The following BCAR3 variants were observed in gnomAD, a reference collection of about 807,000 sequenced individuals.
BCAR3 encodes the protein BCAR3 adaptor protein, NSP family member.
In BCAR3, 37 loss-of-function variants were observed where a neutral mutation model predicts 80.1. The ratio of observed to expected loss-of-function variants is 0.46; its 90% confidence interval spans 0.36 to 0.61. BCAR3 has a LOEUF of 0.61. BCAR3 is among the 20% of genes least tolerant of loss of function. The pLI is 0.00. For missense variants in BCAR3, 978 were observed against 1,068.2 expected, an observed-to-expected ratio of 0.92 and a Z score of 1.18; for synonymous variants, 389 against 418.9, an observed-to-expected ratio of 0.93 and a Z score of 0.87.
chr1:93,758,482 A>T (rs1380476078), intron 2 of BCAR3, among the ~76,000 whole-genome samples: 1 of 152,228 alleles, frequency 6.6e-6, no homozygotes, highest in Non-Finnish European at 1.5e-5. Flanking sequence ...GTGCAGACAA[A>T]GAGTTGGTCT....
At chr1:93,692,093 G>C (rs977165468) in intron 3 of BCAR3, among the ~76,000 whole-genome samples, 7 of 152,252 alleles carry the variant, frequency 4.6e-5, no homozygotes, top group African/African-American at 1.4e-4. Context: ...TGGCCAGTTT[G>C]ATTTTTAAAT....
At chr1:93,631,241 T>C (rs1485542726) in intron 3 of BCAR3, among the ~76,000 whole-genome samples, 1 of 152,184 alleles carries the variant, frequency 6.6e-6, no homozygotes, top group Non-Finnish European at 1.5e-5. Context: ...ATCTTCTTCT[T>C]ATAAGGACAC....
intron 1 of BCAR3, among the ~76,000 whole-genome samples, chr1:93,680,091 A>G (rs745762417): frequency 6.6e-6 from 1 of 152,184 alleles, no homozygotes; most frequent in Non-Finnish European, 1.5e-5. Flanking sequence ...TGGGTTTAGG[A>G]ATTAAGAGTA....
chr1:93,655,639 A>T (rs1366821601), intron 2 of BCAR3, among the ~76,000 whole-genome samples: 4 of 152,224 alleles, frequency 2.6e-5, no homozygotes, highest in African/African-American at 9.6e-5. Context: ...GATCTGAATA[A>T]ATAAGAATTC....
chr1:93,595,868 A>C (rs190502179), intron 3 of BCAR3, among the ~76,000 whole-genome samples: 3 of 152,312 alleles, frequency 2.0e-5, no homozygotes, highest in Non-Finnish European at 4.4e-5. Flanking sequence ...CATTTGGCGG[A>C]ATTCTGTAGG....
chr1:93,604,755 T>C (rs550531391), intron 3 of BCAR3, among the ~76,000 whole-genome samples: 274 of 152,360 alleles, frequency 1.8e-3, no homozygotes, highest in African/African-American at 6.2e-3. Flanking sequence ...TATTTCTCAC[T>C]GATTTTGTTC....
intron 2 of BCAR3, among the ~76,000 whole-genome samples, chr1:93,826,080 G>A (rs1398949126): frequency 3.9e-5 from 6 of 152,218 alleles, no homozygotes; most frequent in Admixed American, 6.5e-5. Flanking sequence ...AAGGGAAAGA[G>A]GGGAGAGGGA....
chr1:93,758,807 A>G (rs1651832894), intron 2 of BCAR3, among the ~76,000 whole-genome samples: 1 of 151,978 alleles, frequency 6.6e-6, no homozygotes, highest in Admixed American at 6.6e-5. Context: ...TTATTTTTCT[A>G]TTGCATTTGG....
intron 2 of BCAR3, among the ~76,000 whole-genome samples, chr1:93,816,915 C>T (rs1654040765): frequency 6.6e-6 from 1 of 152,114 alleles, no homozygotes; most frequent in African/African-American, 2.4e-5. Flanking sequence ...TTGTATTTTG[C>T]TGAAGTCCTA....
intron 3 of BCAR3, among the ~76,000 whole-genome samples, chr1:93,599,927 C>T (rs1409665661): frequency 6.6e-6 from 1 of 152,192 alleles, no homozygotes; most frequent in Non-Finnish European, 1.5e-5. Context: ...CTGTTCTTTT[C>T]TCCTAGAACT....
intron 2 of BCAR3, among the ~76,000 whole-genome samples, chr1:93,657,902 T>TAA (rs1399368235): frequency 6.6e-6 from 1 of 151,670 alleles, no homozygotes; most frequent in Non-Finnish European, 1.5e-5. Context: ...GAAGCATCAC[T>TAA]AAAATCAATC....
chr1:93,662,793 T>G (rs551316126), intron 2 of BCAR3, among the ~76,000 whole-genome samples: 2 of 152,336 alleles, frequency 1.3e-5, no homozygotes, highest in East Asian at 3.9e-4. Context: ...ACTGCTTCCT[T>G]TATCAAGTAT....
At chr1:93,600,598 C>T (rs559594369) in intron 3 of BCAR3, 3 of 152,214 alleles carry the variant, frequency 2.0e-5, no homozygotes, top group Non-Finnish European at 4.4e-5. Context: ...CTTCATAAGT[C>T]AAGTAATGCC....
chr1:93,727,794 C>A (rs561784641), intron 2 of BCAR3, among the ~76,000 whole-genome samples: 7 of 152,316 alleles, frequency 4.6e-5, no homozygotes, highest in South Asian at 2.1e-4. Flanking sequence ...GTGGCCCCCC[C>A]AAAAGACACA....
intron 9 of BCAR3, among the ~76,000 whole-genome samples, chr1:93,568,719 AAGCAT>A (rs1673077155): frequency 6.6e-6 from 1 of 152,226 alleles, no homozygotes. Context: ...CTTGCCTCAA[AAGCAT>A]TCAGTATAAG....
In BCAR3 at chr1:93,674,176, C is replaced by T. The variant is rs140715060; in HGVS notation, c.317+438G>A. ...AGGTGGGAGTACAGACAAAACGGGA[C>T]TGGCCTTGAGCTGGTAACTGTTGGA... On this transcript the variant is annotated intron_variant, in intron 2 of 11. Coordinates refer to ENST00000260502, the MANE Select transcript of BCAR3 (RefSeq NM_003567.4). Among the ~76,000 whole-genome samples the T allele has an allele frequency of 2.5e-3, 380 of 152,268 alleles. 2 individuals carry two copies. The highest frequency in any genetic ancestry group is 8.5e-3 in the African/African-American group (354 of 41,544).
intron 3 of BCAR3, among the ~76,000 whole-genome samples, chr1:93,692,147 C>T (rs184753508): frequency 1.7e-4 from 26 of 152,248 alleles, no homozygotes; most frequent in Admixed American, 1.6e-3. Flanking sequence ...ATGAAGTGCT[C>T]GCCGCACAGC....
At chr1:93,846,766 C>T in intron 1 of BCAR3, 1 of 438,708 alleles carries the variant, frequency 2.3e-6, no homozygotes, top group South Asian at 1.6e-5. Context: ...CTCGGGGCAG[C>T]TGCGCGGCGT....
intron 2 of BCAR3, among the ~76,000 whole-genome samples, chr1:93,674,041 A>G (rs1002438877): frequency 2.0e-5 from 3 of 152,248 alleles, no homozygotes; most frequent in African/African-American, 7.2e-5. Flanking sequence ...GTGGTTATAC[A>G]GTTTTTAAAA....
Sources: allele counts gnomAD v4.1 joint callset (sites outside exome capture counted in the v4.1 genomes callset), GRCh38; gene constraint gnomAD v4.1.1; transcripts MANE v1.5; gene names NCBI Gene and HGNC (gene_info 2026-07-23, HGNC 2026-07-21).